The following SBF2 variants were observed in gnomAD, a reference collection of about 807,000 sequenced individuals.
SBF2 encodes the protein myotubularin-related protein 13.
Under a neutral mutation model 225.2 loss-of-function variants are expected in SBF2, and 112 were observed. The observed-to-expected ratio is 0.50, with a 90% CI of 0.43 to 0.58. The LOEUF is 0.58. Among genes scored for constraint, SBF2 ranks in the 20% least tolerant of loss-of-function variants. The pLI, the probability that SBF2 is intolerant of heterozygous loss-of-function variation, is 0.00. For synonymous variants in SBF2, 763 were observed against 773.3 expected (o/e 0.99, Z 0.22); for missense variants, 1,996 against 2,206.2 (o/e 0.90, Z 1.91).
chr11:9,919,894 G>A (rs988908499), intron 16 of SBF2, among the ~76,000 whole-genome samples: 2 of 151,936 alleles, frequency 1.3e-5, no homozygotes, highest in Admixed American at 6.6e-5. Flanking sequence ...ACCATGCCCG[G>A]CTAATTTTGT....
chr11:10,070,591 A>G (rs7939146), intron 2 of SBF2, among the ~76,000 whole-genome samples: 70,278 of 151,942 alleles, frequency 0.46, 16,645 homozygotes, highest in Admixed American at 0.56. Context: ...GTCAGGTAGC[A>G]TGATGCCTCC....
chr11:10,045,970 A>G (rs1304564609), intron 2 of SBF2, among the ~76,000 whole-genome samples: 1 of 152,230 alleles, frequency 6.6e-6, no homozygotes, highest in Non-Finnish European at 1.5e-5. Flanking sequence ...ATTTGAAAAA[A>G]AAAGAAAAAT....
intron 2 of SBF2, among the ~76,000 whole-genome samples, chr11:10,117,442 A>AG (rs553423520): frequency 6.0e-3 from 539 of 89,594 alleles, no homozygotes; most frequent in African/African-American, 0.017. Context: ...ATCCAACTCA[A>AG]AAAAAAAAAA....
At chr11:10,239,140 T>C (rs1318080286) in intron 1 of SBF2, among the ~76,000 whole-genome samples, 5 of 150,594 alleles carry the variant, frequency 3.3e-5, no homozygotes, top group Non-Finnish European at 3.0e-5. Context: ...TATCTGCATG[T>C]ATGTGAATAT....
At chr11:9,809,256 C>G (rs1035023363) in intron 30 of SBF2, 2 of 406,832 alleles carry the variant, frequency 4.9e-6, no homozygotes, top group Admixed American at 3.9e-5. Context: ...ATTTGAGGTT[C>G]GGAGTTCGAG....
chr11:10,078,973 A>C (rs1416515523), intron 2 of SBF2, among the ~76,000 whole-genome samples: 1 of 152,148 alleles, frequency 6.6e-6, no homozygotes, highest in African/African-American at 2.4e-5. Flanking sequence ...AATCATACAT[A>C]GTCTATGCCA....
intron 2 of SBF2, among the ~76,000 whole-genome samples, chr11:10,186,982 G>C (rs1478715321): frequency 2.6e-5 from 4 of 152,200 alleles, no homozygotes; most frequent in Middle Eastern, 3.2e-3. Flanking sequence ...CAGTGTGGCA[G>C]AGGAAAGCTA....
In SBF2 at chr11:9,989,548, T is replaced by C; in HGVS notation, c.1344A>G (p.Pro448=). The C allele has an allele frequency of 6.2e-7, 1 of 1,611,198 alleles. No homozygotes were observed. The highest frequency in any genetic ancestry group is 1.7e-5 in the Admixed American group (1 of 59,976). ...VERIKVEENN[P]VKMIKHVREL... ...CCCTGACATGCTTTATCATCTTCACTGGGTTATTTTCTTCAACTTTAATTC... is the reference window on the plus strand; with the variant it reads ...CCCTGACATGCTTTATCATCTTCACCGGGTTATTTTCTTCAACTTTAATTC... The change falls in exon 13 of 40, where the codon CCA becomes CCG. Residue 448 remains proline (P), a synonymous_variant. Transcript: ENST00000256190.
At chr11:10,240,548 C>G (rs188242503) in intron 1 of SBF2, among the ~76,000 whole-genome samples, 219 of 152,274 alleles carry the variant, frequency 1.4e-3, no homozygotes, top group Non-Finnish European at 2.5e-3. Context: ...GATCTGAGAA[C>G]GCATGCTCTT....
chr11:10,188,856 C>T (rs1170496628), intron 2 of SBF2, among the ~76,000 whole-genome samples: 1 of 152,194 alleles, frequency 6.6e-6, no homozygotes, highest in African/African-American at 2.4e-5. Flanking sequence ...TATCCACTTG[C>T]TTTGTTGTGA....
intron 2 of SBF2, among the ~76,000 whole-genome samples, chr11:10,126,985 G>C (rs1953786546): frequency 6.6e-6 from 1 of 152,024 alleles, no homozygotes; most frequent in Non-Finnish European, 1.5e-5. Flanking sequence ...CCTAAAATAG[G>C]CAAATCATAG....
intron 16 of SBF2, among the ~76,000 whole-genome samples, chr11:9,901,815 T>C (rs1326558165): frequency 6.6e-6 from 1 of 152,128 alleles, no homozygotes; most frequent in African/African-American, 2.4e-5. Context: ...CAGGTAATTT[T>C]TGTATTTTTT....
intron 28 of SBF2, chr11:9,828,594 A>G: frequency 1.0e-6 from 1 of 985,354 alleles, no homozygotes; most frequent in Non-Finnish European, 1.2e-6. Context: ...CATTAGGGTT[A>G]CCTCTACATG....
At chr11:9,814,896 G>A (rs1167471477) in intron 29 of SBF2, among the ~76,000 whole-genome samples, 1 of 152,024 alleles carries the variant, frequency 6.6e-6, no homozygotes, top group Non-Finnish European at 1.5e-5. Context: ...AATTTACCTA[G>A]GTAAAGGCCA....
At chr11:10,098,017 C>T (rs1004068784) in intron 2 of SBF2, among the ~76,000 whole-genome samples, 1 of 152,086 alleles carries the variant, frequency 6.6e-6, no homozygotes, top group Non-Finnish European at 1.5e-5. Flanking sequence ...ATGGTTTCTG[C>T]TAAATGCCTC....
intron 8 of SBF2, among the ~76,000 whole-genome samples, chr11:9,999,372 G>A (rs1280309124): frequency 6.6e-6 from 1 of 151,982 alleles, no homozygotes; most frequent in Non-Finnish European, 1.5e-5. Flanking sequence ...CCAGGCTGGA[G>A]TATAGTGGTG....
intron 17 of SBF2, among the ~76,000 whole-genome samples, chr11:9,884,462 A>G (rs550724107): frequency 5.4e-4 from 83 of 152,352 alleles, no homozygotes; most frequent in African/African-American, 1.9e-3. Context: ...ACAAAAGGAA[A>G]GCAGGTTGGC....
intron 16 of SBF2, among the ~76,000 whole-genome samples, chr11:9,921,064 CTTTTTTTTTTTTT>C (rs34959264): frequency 7.0e-5 from 6 of 85,888 alleles, no homozygotes; most frequent in African/African-American, 1.9e-4. Context: ...CTGAAAACTT[CTTTTTTTTTTTTT>C]TTTTTTTTTG....
chr11:10,223,401 A>T (rs61892598), intron 1 of SBF2, among the ~76,000 whole-genome samples: 89 of 31,324 alleles, frequency 2.8e-3, no homozygotes, highest in Non-Finnish European at 4.2e-3. Flanking sequence ...TTTGCACATT[A>T]TATATATATA....
Sources: allele counts gnomAD v4.1 joint callset (sites outside exome capture counted in the v4.1 genomes callset), GRCh38; gene constraint gnomAD v4.1.1; transcripts MANE v1.5; gene names NCBI Gene and HGNC (gene_info 2026-07-23, HGNC 2026-07-21).